Variants in ZNF90 observed in about 807,000 individuals in gnomAD.
ZNF90 encodes zinc finger protein HTF9.
ZNF90 carries 11 observed loss-of-function variants against 12.0 expected under a neutral mutation model. The observed-to-expected ratio is 0.92, with a 90% CI of 0.58 to 1.52. The LOEUF is 1.52. Ranked by LOEUF, ZNF90 falls within the 40% of genes most tolerant of loss-of-function variation. The pLI is 0.00. For missense variants in ZNF90, 765 were observed against 711.5 expected (o/e 1.08, Z -0.86); for synonymous variants, 232 against 240.1 (o/e 0.97, Z 0.31).
intron 1 of ZNF90, among the ~76,000 whole-genome samples, chr19:20,086,365 G>T (rs2122478746): frequency 6.6e-6 from 1 of 150,594 alleles, no homozygotes; most frequent in East Asian, 2.0e-4. Flanking sequence ...CTCCAGAATA[G>T]CTGGGATTAC....
intron 1 of ZNF90, among the ~76,000 whole-genome samples, chr19:20,083,719 A>G (rs1343425592): frequency 1.3e-5 from 2 of 152,200 alleles, no homozygotes; most frequent in Non-Finnish European, 2.9e-5. Context: ...CAGAGTATTC[A>G]TGATGTTTAT....
intron 3 of ZNF90, among the ~76,000 whole-genome samples, chr19:20,110,618 T>A (rs949542309): frequency 6.6e-5 from 10 of 152,326 alleles, no homozygotes; most frequent in Middle Eastern, 3.4e-3. Flanking sequence ...TATAACTTTT[T>A]AAAATAATGG....
chr19:20,083,080 G>T (rs2088832769), intron 1 of ZNF90, among the ~76,000 whole-genome samples: 1 of 152,014 alleles, frequency 6.6e-6, no homozygotes, highest in East Asian at 1.9e-4. Flanking sequence ...TTACCCTATT[G>T]TCCTGCCACA....
chr19:20,107,542 C>T (rs2089050549), intron 3 of ZNF90, among the ~76,000 whole-genome samples: 1 of 152,188 alleles, frequency 6.6e-6, no homozygotes. Context: ...AAATCCTGGC[C>T]TGAAGCAGTT....
chr19:20,083,229 CTCTT>C (rs2088834192), intron 1 of ZNF90, among the ~76,000 whole-genome samples: 1 of 152,078 alleles, frequency 6.6e-6, no homozygotes. Flanking sequence ...GTCTCTGTGT[CTCTT>C]TCTTTTCTCA....
chr19:20,092,382 A>AG (rs1192865580), intron 1 of ZNF90, among the ~76,000 whole-genome samples: 6 of 152,188 alleles, frequency 3.9e-5, no homozygotes, highest in African/African-American at 1.4e-4. Flanking sequence ...TTGGACAAAA[A>AG]GGCTACAGGA....
chr19:20,101,666 CAT>C (rs1370034434), intron 1 of ZNF90, among the ~76,000 whole-genome samples: 2 of 152,104 alleles, frequency 1.3e-5, no homozygotes, highest in Non-Finnish European at 2.9e-5. Flanking sequence ...AGGAGGTAGA[CAT>C]GTGGCACTGA....
At chr19:20,109,384 C>A (rs2089066921) in intron 3 of ZNF90, among the ~76,000 whole-genome samples, 1 of 152,044 alleles carries the variant, frequency 6.6e-6, no homozygotes, top group Non-Finnish European at 1.5e-5. Context: ...AGTGAGTAGT[C>A]ATGGAGATAG....
chr19:20,078,926 C>A (rs995770509), intron 1 of ZNF90, among the ~76,000 whole-genome samples: 1 of 151,974 alleles, frequency 6.6e-6, no homozygotes, highest in Non-Finnish European at 1.5e-5. Context: ...TCTAGACCAG[C>A]CTATCCAACG....
chr19:20,106,048 T>A lies in ZNF90; in HGVS notation c.226+732T>A, dbSNP rs921790924. ...TTGGAACTTCTCTAATTTTTTCTTTTTTTTTTTTTTTTTTTTTTTGGTAAA... is the reference window on the plus strand; with the variant it reads ...TTGGAACTTCTCTAATTTTTTCTTTATTTTTTTTTTTTTTTTTTTGGTAAA... On this transcript the variant is annotated intron_variant, in intron 3 of 3. Transcript: ENST00000418063. Among the ~76,000 whole-genome samples the A allele has an allele frequency of 2.8e-3, 359 of 129,644 alleles. 4 individuals are homozygous for A. The highest frequency in any genetic ancestry group is 9.4e-3 in the African/African-American group (325 of 34,728). The allele number at this position is 129,644 out of a possible 152,430, so 85.1% of individuals were successfully genotyped here.
intron 1 of ZNF90, chr19:20,079,850 C>T (rs1362059142): frequency 2.6e-6 from 1 of 379,846 alleles, no homozygotes; most frequent in Non-Finnish European, 5.2e-6. Context: ...GGCCCTGAAG[C>T]GATGTAAGCA....
chr19:20,114,900 C>T (rs1226203477), intron 3 of ZNF90, among the ~76,000 whole-genome samples: 1 of 152,074 alleles, frequency 6.6e-6, no homozygotes, highest in African/African-American at 2.4e-5. Flanking sequence ...TTATATTTCT[C>T]TCTATGTGTT....
intron 1 of ZNF90, among the ~76,000 whole-genome samples, chr19:20,093,882 C>T (rs1302357902): frequency 2.2e-5 from 3 of 138,232 alleles, no homozygotes; most frequent in Non-Finnish European, 5.0e-5. Flanking sequence ...CAATGTCAAT[C>T]TTCAGTTGCT....
At chr19:20,099,370 C>T (rs577420480) in intron 1 of ZNF90, among the ~76,000 whole-genome samples, 1 of 152,184 alleles carries the variant, frequency 6.6e-6, no homozygotes, top group African/African-American at 2.4e-5. Flanking sequence ...ATTCTCCTAA[C>T]TCTGCTTCCA....
At chr19:20,083,101 T>C (rs932049805) in intron 1 of ZNF90, among the ~76,000 whole-genome samples, 1 of 152,138 alleles carries the variant, frequency 6.6e-6, no homozygotes, top group Admixed American at 6.5e-5. Flanking sequence ...TCTCCCTCTC[T>C]GAGATGGTAG....
At chr19:20,088,186 T>C (rs1245798603) in intron 1 of ZNF90, among the ~76,000 whole-genome samples, 2 of 151,100 alleles carry the variant, frequency 1.3e-5, no homozygotes, top group Non-Finnish European at 2.9e-5. Flanking sequence ...AGTGTTGAAG[T>C]GTTGGGGCGG....
Position 20,118,502 on chromosome 19 carries a change from A to G in ZNF90, c.948A>G (p.Glu316=). 1 of 1,613,810 alleles carries G rather than the reference A, an allele frequency of 6.2e-7. No individual in the cohort carries two copies. The highest frequency in any genetic ancestry group is 8.5e-7 in the Non-Finnish European group (1 of 1,179,974). ...CTGAAGAGAAACCCTACAAATGTGA[A>G]GAATGTGGCAAAGCCTTCAAGCTCT... ...SHTEEKPYKC[E]ECGKAFKLSS... The change falls in exon 4 of 4, where the codon GAA becomes GAG. Residue 316 remains glutamate, a synonymous_variant. Coordinates refer to ENST00000418063, the MANE Select transcript of ZNF90 (RefSeq NM_007138.2).
At chr19:20,108,966 G>A (rs2089063391) in intron 3 of ZNF90, among the ~76,000 whole-genome samples, 1 of 151,406 alleles carries the variant, frequency 6.6e-6, no homozygotes, top group Non-Finnish European at 1.5e-5. Context: ...CTCGTGATCT[G>A]CCCACCTCAG....
At chr19:20,078,173 G>A in intron 1 of ZNF90, 38 bp downstream of exon 1, 1 of 1,613,916 alleles carries the variant, frequency 6.2e-7, no homozygotes, top group East Asian at 2.2e-5. Flanking sequence ...AGAGGGGAGG[G>A]ACTGGTTGGA....
Sources: allele counts gnomAD v4.1 joint callset (sites outside exome capture counted in the v4.1 genomes callset), GRCh38; gene constraint gnomAD v4.1.1; transcripts MANE v1.5; gene names NCBI Gene and HGNC (gene_info 2026-07-23, HGNC 2026-07-21).